Variants in NAA25 observed in about 807,000 individuals in gnomAD.
NAA25 encodes N-alpha-acetyltransferase 25, NatB auxiliary subunit.
Under a neutral mutation model 132.5 loss-of-function variants are expected in NAA25, and 30 were observed. The observed-to-expected ratio is 0.23, with a 90% CI of 0.17 to 0.31. The LOEUF (loss-of-function observed/expected upper bound fraction) is 0.31. NAA25 is among the 10% of genes least tolerant of loss of function. NAA25 has a pLI of 1.00. For synonymous variants in NAA25, 359 were observed against 401.9 expected (o/e 0.89, Z 1.28); for missense variants, 771 against 1,150.4 (o/e 0.67, Z 4.77).
intron 1 of NAA25, 126 bp from the exon 2 acceptor site, chr12:112,093,262 G>T (rs1040825082): frequency 1.7e-6 from 1 of 588,122 alleles, no homozygotes; most frequent in East Asian, 3.2e-5. Flanking sequence ...CATGGAGGCC[G>T]GGCGTGGTGG....
chr12:112,056,254 A>T (rs901366530), intron 13 of NAA25, among the ~76,000 whole-genome samples: 1 of 152,128 alleles, frequency 6.6e-6, no homozygotes, highest in African/African-American at 2.4e-5. Context: ...GAATTGCTTG[A>T]ACCCAGGAGA....
At chr12:112,073,942 A>G (rs906737885) in intron 9 of NAA25, among the ~76,000 whole-genome samples, 3 of 152,224 alleles carry the variant, frequency 2.0e-5, no homozygotes, top group Non-Finnish European at 4.4e-5. Context: ...AGAGATCTAC[A>G]TGTACCAGAA....
chr12:112,108,769 GC>G lies in NAA25; in HGVS notation c.4del (p.Ala2ArgfsTer37). On this transcript the variant is annotated frameshift_variant, in exon 1 of 24. Coordinates refer to ENST00000261745, the MANE Select transcript of NAA25 (RefSeq NM_024953.4). LOFTEE classifies it high-confidence loss of function. The part of the protein sequence containing the change: M[A>X]TRGHVQDPND... ...AGGGTCCTGCACATGGCCCCGCGTC[GC>G]CATGATGACAAGCGCAGAACCACAG... The G allele has an allele frequency of 6.6e-7, 1 of 1,520,814 alleles. No homozygotes were observed. Among genetic ancestry groups the G allele is most frequent in the Non-Finnish European group, 8.8e-7 (1 of 1,130,698 alleles). 94.2% of individuals were successfully genotyped at this position (1,520,814 alleles called of 1,614,324 possible). A position where few individuals can be genotyped will look rare whatever the true frequency, so the allele number is the denominator to read the frequency against.
intron 4 of NAA25, among the ~76,000 whole-genome samples, chr12:112,082,239 CTT>C (rs1046916021): frequency 1.3e-5 from 2 of 151,118 alleles, no homozygotes; most frequent in South Asian, 2.1e-4. Context: ...CAGAGTAAGA[CTT>C]TGTCTCCAAA....
intron 2 of NAA25, among the ~76,000 whole-genome samples, chr12:112,091,759 G>A (rs2079134393): frequency 6.6e-6 from 1 of 151,982 alleles, no homozygotes; most frequent in African/African-American, 2.4e-5. Flanking sequence ...CTATGCAGGA[G>A]GCTGAGATGA....
chr12:112,043,883 T>G lies in NAA25; in HGVS notation c.2007-15A>C. On this transcript the variant is annotated splice_polypyrimidine_tract_variant and intron_variant, in intron 17 of 23. Coordinates refer to ENST00000261745, the MANE Select transcript of NAA25 (RefSeq NM_024953.4). ...CAGAAACGTCCCTTAAACAGAAACA[T>G]CCCCAAATTATCTAACTTATTCAAT... The G allele has an allele frequency of 6.2e-7, 1 of 1,603,306 alleles. No homozygotes were observed.
Position 112,033,250 on chromosome 12 carries a change from C to A in NAA25, c.2779G>T (p.Asp927Tyr). The stretch of plus-strand genomic sequence containing the variant: ...TCTCTTACCGGTGAGAGAGAAGTGT[C>A]TTCTAAAATAAGTTCTTCAAGTTTA... ...ALKLEELILE[D>Y]TSLSPEERKF... The change falls in exon 23 of 24, where the codon GAC (aspartate) becomes TAC (tyrosine). Residue 927 changes from aspartate (D) to tyrosine (Y), a missense_variant. By Grantham distance (160) the Asp-to-Tyr change is radical (BLOSUM62 -3). Transcript: ENST00000261745. 6.2e-7 allele frequency: 1 copy of A among 1,607,920 alleles called. No homozygotes were observed.
At chr12:112,040,840 C>G (rs886877832) in intron 20 of NAA25, among the ~76,000 whole-genome samples, 6 of 152,090 alleles carry the variant, frequency 3.9e-5, no homozygotes, top group African/African-American at 1.4e-4. Flanking sequence ...ACCAGCGAAG[C>G]CTTTTCAGAT....
chr12:112,042,826 T>G (rs1410735423), intron 19 of NAA25, among the ~76,000 whole-genome samples: 1 of 152,208 alleles, frequency 6.6e-6, no homozygotes, highest in Non-Finnish European at 1.5e-5. Flanking sequence ...ATTTTTAAAA[T>G]CCAACAGCCT....
At chr12:112,086,475 AC>A (rs1263268812) in intron 4 of NAA25, among the ~76,000 whole-genome samples, 1 of 152,046 alleles carries the variant, frequency 6.6e-6, no homozygotes, top group African/African-American at 2.4e-5. Context: ...AGCCTGGGCA[AC>A]AGAGCAAGAC....
At chr12:112,075,553 A>C in intron 8 of NAA25, 125 bp downstream of exon 8, 1 of 693,192 alleles carries the variant, frequency 1.4e-6, no homozygotes, top group Non-Finnish European at 2.4e-6. Context: ...AGAAACATGC[A>C]GGACACAACT....
Position 112,040,590 on chromosome 12 carries a change from A to G in NAA25, c.2441-12T>C. ...TTTACTGAAGACATCTGAAAACAAA[A>G]AACATTTTAGTTTTATTCAGCTTTT... On this transcript the variant is annotated splice_polypyrimidine_tract_variant and intron_variant, in intron 20 of 23. Transcript: ENST00000261745. 4 of 1,479,030 alleles carry G rather than the reference A, an allele frequency of 2.7e-6. No individual in the cohort carries two copies. In the Admixed American group the frequency reaches 7.4e-5, roughly 27 times the overall value. The allele number at this position is 1,479,030 out of a possible 1,614,324, so 91.6% of individuals were successfully genotyped here.
chr12:112,089,451 T>C (rs777326356), intron 3 of NAA25, among the ~76,000 whole-genome samples: 6 of 152,162 alleles, frequency 3.9e-5, no homozygotes, highest in Admixed American at 6.6e-5. Flanking sequence ...TCCTAGATAT[T>C]GTAATGTAAC....
chr12:112,038,927 C>T (rs4417364), intron 22 of NAA25, among the ~76,000 whole-genome samples: 1 of 151,952 alleles, frequency 6.6e-6, no homozygotes, highest in Non-Finnish European at 1.5e-5. Context: ...TGCAGTGAGC[C>T]AAGATAGTGC....
At position 112,069,038 on chromosome 12, in the gene NAA25, C is replaced by CA. The variant is rs757411927; in HGVS notation, c.1037-47dup. ...TCACTTTATTACTCATGAACAGAAG[C>CA]AATTTCTATTTAAGTGAGAATTAAT... On this transcript the variant is annotated intron_variant, in intron 10 of 23. Coordinates refer to ENST00000261745, the MANE Select transcript of NAA25 (RefSeq NM_024953.4). 3 of 1,072,304 alleles carry CA rather than the reference C, an allele frequency of 2.8e-6. No homozygotes were observed. In the Admixed American group the frequency reaches 6.7e-5, roughly 24 times the overall value. 66.4% of individuals were successfully genotyped at this position (1,072,304 alleles called of 1,614,324 possible). A position where few individuals can be genotyped will look rare whatever the true frequency, so the allele number is the denominator to read the frequency against.
intron 4 of NAA25, among the ~76,000 whole-genome samples, chr12:112,082,865 C>T (rs975802530): frequency 2.6e-5 from 4 of 151,718 alleles, no homozygotes; most frequent in Non-Finnish European, 4.4e-5. Flanking sequence ...AATGTATCAA[C>T]GCGAAGTAGG....
At position 112,061,254 on chromosome 12, in the gene NAA25, G is replaced by A. The variant is rs952352141; in HGVS notation, c.1284C>T (p.His428=). Residue 428 remains histidine (H), a synonymous_variant, in exon 12 of 24, where the codon CAC becomes CAT. Transcript: ENST00000261745. ...VQLTRLLGLY[H]TMDKNQKLSV... ...TCAATTTCTGATTTTTATCCATGGT[G>A]TGGTACAAGCCAAGTAACCTCGTCA... 6.2e-7 allele frequency: 1 copy of A among 1,614,106 alleles called. No homozygotes were observed. The highest frequency in any genetic ancestry group is 8.5e-7 in the Non-Finnish European group (1 of 1,180,034).
intron 6 of NAA25, 143 bp downstream of exon 6, chr12:112,078,491 T>C (rs1311381066): frequency 9.2e-6 from 7 of 760,646 alleles, no homozygotes; most frequent in South Asian, 1.8e-5. Context: ...AGACCTACGC[T>C]GAGGGCTTCA....
intron 9 of NAA25, among the ~76,000 whole-genome samples, chr12:112,073,404 T>A (rs918504918): frequency 6.6e-6 from 1 of 152,150 alleles, no homozygotes; most frequent in Non-Finnish European, 1.5e-5. Flanking sequence ...TCATCTTGAA[T>A]TTTACTTCTG....
Sources: gnomAD v4.1 joint callset for allele counts (sites outside exome capture counted in the v4.1 genomes callset) on GRCh38, gnomAD v4.1.1 for gene constraint, MANE v1.5 for transcripts, NCBI Gene and HGNC (gene_info 2026-07-23, HGNC 2026-07-21) for gene names.